DHX9: variants seen among roughly 807,000 people sequenced by gnomAD.
DHX9 encodes ATP-dependent RNA helicase A.
DHX9 carries 27 observed loss-of-function variants against 148.7 expected under a neutral mutation model. The ratio of observed to expected loss-of-function variants is 0.18; its 90% CI spans 0.13 to 0.25. The LOEUF is 0.25. Among genes scored for constraint, DHX9 ranks in the 10% least tolerant of loss-of-function variants. DHX9 has a pLI of 1.00. For synonymous variants in DHX9, 529 were observed against 516.6 expected (o/e 1.02, Z -0.33); for missense variants, 796 against 1,559.6 (o/e 0.51, Z 8.25).
intron 11 of DHX9, among the ~76,000 whole-genome samples, chr1:182,859,422 C>T (rs781565305): frequency 1.2e-4 from 19 of 152,156 alleles, no homozygotes; most frequent in South Asian, 8.3e-4. Context: ...AAAAAGAATG[C>T]GTGTGCGACT....
chr1:182,858,044 A>G, intron 7 of DHX9, 60 bp from the exon 8 acceptor site: 25 of 1,548,664 alleles, frequency 1.6e-5, no homozygotes, highest in Non-Finnish European at 2.1e-5. Flanking sequence ...TTCTTGTGAT[A>G]AGATGTTTCT....
In DHX9 at chr1:182,854,305, A is replaced by G. The variant is rs183354698; in HGVS notation, c.626+127A>G. The G allele has an allele frequency of 7.4e-4, 647 of 872,272 alleles. 1 individual carries two copies. The highest frequency in any genetic ancestry group is 9.1e-4 in the Non-Finnish European group (548 of 604,318). The allele number at this position is 872,272 out of a possible 1,614,324, so 54.0% of individuals were successfully genotyped here. ...TGGATTAGAATTGAATTGTTAAAAG[A>G]TAACGTTAATTTGCACAAGAATAAT... On this transcript the variant is annotated intron_variant, in intron 6 of 27. Transcript: ENST00000367549.
chr1:182,876,982 A>G (rs1648831810), intron 19 of DHX9, 79 bp downstream of exon 19: 3 of 992,104 alleles, frequency 3.0e-6, no homozygotes, highest in East Asian at 4.9e-5. Context: ...AATCAAAAAC[A>G]CCTTATTTTT....
At chr1:182,849,727 G>A (rs1668097134) in intron 3 of DHX9, among the ~76,000 whole-genome samples, 1 of 152,122 alleles carries the variant, frequency 6.6e-6, no homozygotes, top group African/African-American at 2.4e-5. Flanking sequence ...AATTATGAGT[G>A]AAGTCAAACA....
Position 182,866,539 on chromosome 1 carries a change from G to A in DHX9, c.1428G>A (p.Glu476=), listed in dbSNP as rs1326323783. The change falls in exon 13 of 28, where the codon GAG becomes GAA. Residue 476 remains glutamate, a synonymous_variant. Coordinates refer to ENST00000367549, the MANE Select transcript of DHX9 (RefSeq NM_001357.5). ...GCTGTGGCTACAGCGTTCGATTTGA[G>A]TCTATACTTCCTCGTCCTCATGCCA... The part of the protein sequence containing the change: ...GKSCGYSVRF[E]SILPRPHASI... The A allele has an allele frequency of 6.2e-7, 1 of 1,614,146 alleles. No individual in the cohort carries two copies. The highest frequency in any genetic ancestry group is 1.6e-4 in the Middle Eastern group (1 of 6,062).
At position 182,881,658 on chromosome 1, in the gene DHX9, T is replaced by A; in HGVS notation, c.2914+11T>A. On this transcript the variant is annotated intron_variant, in intron 24 of 27. Coordinates refer to ENST00000367549, the MANE Select transcript of DHX9 (RefSeq NM_001357.5). The stretch of plus-strand genomic sequence containing the variant: ...CTGGGTTTCCAGAAGGTAAGACTTC[T>A]TCCATTCTTAAGATATCTTTAAAGT... 1 of 1,584,592 alleles carries A rather than the reference T, an allele frequency of 6.3e-7. No individual in the cohort carries two copies. Among genetic ancestry groups the A allele is most frequent in the Non-Finnish European group, 8.5e-7 (1 of 1,171,016 alleles).
chr1:182,859,009 T>G (rs1668306867), intron 10 of DHX9, 31 bp from the exon 11 acceptor site: 1 of 1,612,264 alleles, frequency 6.2e-7, no homozygotes, highest in Non-Finnish European at 8.5e-7. Flanking sequence ...TATGTGCTTT[T>G]GTTTGACTAT....
At chr1:182,846,237 CTTTT>C (rs546727701) in intron 3 of DHX9, among the ~76,000 whole-genome samples, 4 of 138,786 alleles carry the variant, frequency 2.9e-5, no homozygotes, top group Admixed American at 7.2e-5. Context: ...ACCAGATGTA[CTTTT>C]TTTTTTTTTT....
In DHX9 at chr1:182,887,135, G is replaced by C. The variant is rs773260681; in HGVS notation, c.3514G>C (p.Gly1172Arg). Residue 1172 changes from glycine to arginine, a missense_variant, in exon 28 of 28, where the codon GGA becomes CGA. Transcript: ENST00000367549. Reference sequence around the variant, plus strand: ...GATGGCCCGATACGACAATGGAAGCGGATATAGAAGGGGAGGTTCTAGTTA... The same window carrying C: ...GATGGCCCGATACGACAATGGAAGCCGATATAGAAGGGGAGGTTCTAGTTA... The part of the protein sequence containing the change: ...PKMARYDNGS[G>R]YRRGGSSYSG... 1 of 1,614,198 alleles carries C rather than the reference G, an allele frequency of 6.2e-7. No individual in the cohort carries two copies. The highest frequency in any genetic ancestry group is 8.5e-7 in the Non-Finnish European group (1 of 1,180,036).
intron 22 of DHX9, 59 bp downstream of exon 22, chr1:182,880,667 C>T: frequency 1.7e-6 from 2 of 1,190,686 alleles, no homozygotes; most frequent in Non-Finnish European, 2.5e-6. Context: ...GAATCTTCTC[C>T]TCCCTGTAAA....
intron 20 of DHX9, among the ~76,000 whole-genome samples, 184 bp from the exon 21 acceptor site, chr1:182,879,066 T>A (rs955642234): frequency 6.6e-6 from 1 of 152,252 alleles, no homozygotes; most frequent in African/African-American, 2.4e-5. Flanking sequence ...CAGAAACCAC[T>A]ATGCAACCAG....
At chr1:182,852,456 A>G (rs1256754156) in intron 4 of DHX9, 112 bp downstream of exon 4, 4 of 680,354 alleles carry the variant, frequency 5.9e-6, no homozygotes, top group Non-Finnish European at 9.5e-6. Context: ...CTTGATGTTA[A>G]GAGACAACCC....
At chr1:182,867,138 TCATTATCAAAAC>T in intron 14 of DHX9, 95 bp downstream of exon 14, 1 of 745,726 alleles carries the variant, frequency 1.3e-6, no homozygotes, top group Non-Finnish European at 2.1e-6. Flanking sequence ...CCCGTTTTTA[TCATTATCAAAAC>T]CATGAACTTC....
At chr1:182,869,593 G>T (rs796727133) in intron 14 of DHX9, among the ~76,000 whole-genome samples, 2 of 151,606 alleles carry the variant, frequency 1.3e-5, no homozygotes, top group African/African-American at 4.9e-5. Flanking sequence ...AGTTTGGTCT[G>T]GTCCAGTTTG....
chr1:182,876,032 T>G lies in DHX9; in HGVS notation c.1816-18T>G. 6.2e-7 allele frequency: 1 copy of G among 1,607,522 alleles called. No homozygotes were observed. The highest frequency in any genetic ancestry group is 8.5e-7 in the Non-Finnish European group (1 of 1,175,058). ...GTAACTGAGACAATCCAAAAATATG[T>G]CTCCCTGTTTTTTACAGGCAAATTG... is the stretch of plus-strand genomic sequence containing the variant. On this transcript the variant is annotated intron_variant, in intron 16 of 27. Coordinates refer to ENST00000367549, the MANE Select transcript of DHX9 (RefSeq NM_001357.5).
intron 3 of DHX9, 29 bp from the exon 4 acceptor site, chr1:182,852,204 G>A (rs373374153): frequency 6.6e-7 from 1 of 1,521,542 alleles, no homozygotes; most frequent in African/African-American, 1.4e-5. Flanking sequence ...CAAAAGCACT[G>A]ACAGCTGCCT....
In DHX9 at chr1:182,858,603, A is replaced by G; in HGVS notation, c.863A>G (p.Asn288Ser). 2 of 1,611,630 alleles carry G rather than the reference A, an allele frequency of 1.2e-6. No homozygotes were observed. The highest frequency in any genetic ancestry group is 1.7e-5 in the Admixed American group (1 of 59,884). ...CAAGATTTAGAGCATCAGCTGCAAA[A>G]CATCATTCAAGAGCTAAATCTTGAG... ...LSQDLEHQLQ[N>S]IIQELNLEIL... Residue 288 changes from asparagine (N) to serine (S), a missense_variant, in exon 9 of 28, where the codon AAC (asparagine) becomes AGC (serine). Around this residue, in one of 14 missense-constraint regions of DHX9, gnomAD observed 63 missense variants for 78.6 expected, o/e 0.80. Transcript: ENST00000367549.
intron 3 of DHX9, among the ~76,000 whole-genome samples, chr1:182,845,641 C>T (rs536948033): frequency 6.7e-4 from 102 of 152,228 alleles, no homozygotes; most frequent in South Asian, 5.8e-3. Flanking sequence ...GGACTCAGTC[C>T]CACAAGACTC....
chr1:182,886,961 TTG>T (rs1348544811), intron 27 of DHX9, 120 bp from the exon 28 acceptor site: 2 of 814,104 alleles, frequency 2.5e-6, no homozygotes, highest in Admixed American at 5.3e-5. Flanking sequence ...CAATTTCTAT[TTG>T]TGCATTTGGC....
Sources: gnomAD v4.1 joint callset for allele counts (sites outside exome capture counted in the v4.1 genomes callset) on GRCh38, gnomAD v4.1.1 for gene constraint, gnomAD v4.1.1 regional missense constraint, MANE v1.5 for transcripts, NCBI Gene and HGNC (gene_info 2026-07-23, HGNC 2026-07-21) for gene names.